The following WDFY4 variants were observed in gnomAD, a reference collection of about 807,000 sequenced individuals.
WDFY4 encodes WDFY family member 4, also known as WD repeat- and FYVE domain-containing protein 4.
WDFY4 carries 169 observed loss-of-function variants against 351.9 expected under a neutral mutation model. The observed-to-expected ratio is 0.48, with a 90% CI of 0.42 to 0.55. The LOEUF is 0.55. WDFY4 is among the 20% of genes least tolerant of loss of function. WDFY4 has a pLI of 0.00. For synonymous variants in WDFY4, 1,622 were observed against 1,574.6 expected, an observed-to-expected ratio of 1.03 and a Z score of -0.71; for missense variants, 3,803 against 3,935.6, an observed-to-expected ratio of 0.97 and a Z score of 0.90.
intron 51 of WDFY4, among the ~76,000 whole-genome samples, chr10:48,956,667 A>T (rs772761288): frequency 7.9e-5 from 12 of 152,082 alleles, no homozygotes; most frequent in Non-Finnish European, 1.2e-4. Flanking sequence ...CCCACATAGA[A>T]GGTTCACCCA....
intron 43 of WDFY4, among the ~76,000 whole-genome samples, chr10:48,878,998 T>G (rs2070140697): frequency 6.6e-6 from 1 of 152,252 alleles, no homozygotes; most frequent in Non-Finnish European, 1.5e-5. Context: ...ATAACACATG[T>G]ATGCATAAGT....
chr10:48,774,817 C>A, intron 14 of WDFY4, 145 bp downstream of exon 14: 1 of 1,104,606 alleles, frequency 9.1e-7, no homozygotes, highest in Non-Finnish European at 1.3e-6. Context: ...GAGTCCATGG[C>A]TGAGCCTTGG....
At position 48,982,847 on chromosome 10, in the gene WDFY4, CAT is replaced by C. The variant is rs970292915; in HGVS notation, c.*273_*274del. The stretch of plus-strand genomic sequence containing the variant: ...ATGCCCAGCTGCACACGAAATTACA[CAT>C]GACTCACCTTATTAAGGGCTATTGC... On this transcript the variant is annotated 3_prime_UTR_variant, in exon 62 of 62. Coordinates refer to ENST00000325239, the MANE Select transcript of WDFY4 (RefSeq NM_001394531.1). The C allele has an allele frequency of 2.9e-5, 15 of 519,758 alleles. No homozygotes were observed. Among genetic ancestry groups the C allele is most frequent in the Admixed American group, 9.4e-5 (4 of 42,660 alleles). 32.2% of individuals were successfully genotyped at this position (519,758 alleles called of 1,614,324 possible). A position where few individuals can be genotyped will look rare whatever the true frequency, so the allele number is the denominator to read the frequency against.
chr10:48,745,730 C>G (rs187737264), intron 12 of WDFY4: 58 of 551,390 alleles, frequency 1.1e-4, no homozygotes, highest in African/African-American at 1.0e-3. Flanking sequence ...AGGCGCCCCA[C>G]GTAGGCAAAC....
chr10:48,931,022 C>G (rs950428312), intron 47 of WDFY4, among the ~76,000 whole-genome samples: 1 of 151,970 alleles, frequency 6.6e-6, no homozygotes, highest in Admixed American at 6.6e-5. Context: ...TTTAAATTCC[C>G]TGCAACAGAT....
chr10:48,971,599 A>T (rs1174089240), intron 57 of WDFY4, among the ~76,000 whole-genome samples: 1 of 152,066 alleles, frequency 6.6e-6, no homozygotes, highest in African/African-American at 2.4e-5. Context: ...TCACTGAAAC[A>T]TGTTCTCTGG....
At chr10:48,757,303 A>G (rs1002171659) in intron 12 of WDFY4, among the ~76,000 whole-genome samples, 5 of 152,062 alleles carry the variant, frequency 3.3e-5, no homozygotes, top group Non-Finnish European at 7.4e-5. Context: ...CTGAATTGTG[A>G]TGCTCTGTTG....
At chr10:48,876,552 G>A (rs2070017773) in intron 42 of WDFY4, among the ~76,000 whole-genome samples, 1 of 152,096 alleles carries the variant, frequency 6.6e-6, no homozygotes, top group Admixed American at 6.5e-5. Context: ...ACTATCTCTG[G>A]GTGCATGGGT....
chr10:48,812,536 G>A (rs574741860), intron 30 of WDFY4, among the ~76,000 whole-genome samples: 2 of 152,010 alleles, frequency 1.3e-5, no homozygotes, highest in African/African-American at 4.8e-5. Context: ...CTACCAACCC[G>A]TTCCTCATAA....
At chr10:48,850,363 G>C (rs996345984) in intron 39 of WDFY4, among the ~76,000 whole-genome samples, 2 of 152,130 alleles carry the variant, frequency 1.3e-5, no homozygotes, top group African/African-American at 4.8e-5. Flanking sequence ...TGTCGGTAGA[G>C]ATTCATTCAT....
At chr10:48,936,066 C>G (rs1053911215) in intron 47 of WDFY4, among the ~76,000 whole-genome samples, 2 of 151,868 alleles carry the variant, frequency 1.3e-5, no homozygotes, top group African/African-American at 4.8e-5. Context: ...ATTTTTCCAC[C>G]TAGTCATAAA....
chr10:48,686,239 G>T (rs533464387), intron 1 of WDFY4, among the ~76,000 whole-genome samples: 1 of 151,556 alleles, frequency 6.6e-6, no homozygotes, highest in South Asian at 2.1e-4. Context: ...TCAGCACTTT[G>T]GGAGGCTGAG....
intron 47 of WDFY4, among the ~76,000 whole-genome samples, chr10:48,903,511 T>A (rs1837466392): frequency 6.6e-6 from 1 of 152,180 alleles, no homozygotes; most frequent in Admixed American, 6.5e-5. Flanking sequence ...TATGATGTGA[T>A]CAGATTATGG....
chr10:48,880,348 C>A lies in WDFY4; in HGVS notation c.7167+3149C>A, dbSNP rs140435031. ...TTCCTCAGGGATCTTGCTGGGGGAG[C>A]GGCAAGAGTCTGAAGCCCCCAGGTG... On this transcript the variant is annotated intron_variant, in intron 43 of 61. Coordinates refer to ENST00000325239, the MANE Select transcript of WDFY4 (RefSeq NM_001394531.1). Among the ~76,000 whole-genome samples, 1,183 of 152,270 alleles carry A rather than the reference C, an allele frequency of 7.8e-3. 17 individuals are homozygous for A. The highest frequency in any genetic ancestry group is 0.027 in the African/African-American group (1,112 of 41,534).
At chr10:48,966,909 T>C (rs1007469055) in intron 55 of WDFY4, 2 of 556,366 alleles carry the variant, frequency 3.6e-6, no homozygotes, top group African/African-American at 1.9e-5. Flanking sequence ...TCTTTCTGTC[T>C]GTCTCTCTCA....
intron 8 of WDFY4, 84 bp downstream of exon 8, chr10:48,729,673 G>A (rs1002297998): frequency 6.7e-7 from 1 of 1,487,844 alleles, no homozygotes; most frequent in Non-Finnish European, 9.0e-7. Context: ...CTGATTCTTT[G>A]TGTACCTTTC....
chr10:48,957,272 G>C lies in WDFY4; in HGVS notation c.8121G>C (p.Gly2707=). 6.4e-7 allele frequency: 1 copy of C among 1,551,066 alleles called. No individual in the cohort carries two copies. The highest frequency in any genetic ancestry group is 1.2e-5 in the South Asian group (1 of 84,048). The change falls in exon 52 of 62, where the codon GGG becomes GGC. Residue 2707 remains glycine, a synonymous_variant. Coordinates refer to ENST00000325239, the MANE Select transcript of WDFY4 (RefSeq NM_001394531.1). The part of the protein sequence containing the change: ...YLPEFLTNCN[G]VEFGCMQDGT... Reference sequence around the variant, plus strand: ...CTGAGTTCTTAACCAACTGCAACGGGGTAGAGTTCGGTAAGTGGAGGCCTG... The same window carrying C: ...CTGAGTTCTTAACCAACTGCAACGGCGTAGAGTTCGGTAAGTGGAGGCCTG...
chr10:48,698,412 C>A (rs1429386451), intron 1 of WDFY4, among the ~76,000 whole-genome samples: 2 of 152,198 alleles, frequency 1.3e-5, no homozygotes, highest in African/African-American at 4.8e-5. Context: ...AGTGGGTGGG[C>A]CTTGCCTGTG....
At chr10:48,685,403 C>A (rs1166059538) in intron 1 of WDFY4, among the ~76,000 whole-genome samples, 1 of 152,184 alleles carries the variant, frequency 6.6e-6, no homozygotes, top group Admixed American at 6.5e-5. Context: ...AGCAGGCCGA[C>A]AGGACAGTGA....
Sources: allele counts gnomAD v4.1 joint callset (sites outside exome capture counted in the v4.1 genomes callset), GRCh38; gene constraint gnomAD v4.1.1; transcripts MANE v1.5; gene names NCBI Gene and HGNC (gene_info 2026-07-23, HGNC 2026-07-21).